Variants in ASIC2 observed in about 807,000 individuals in gnomAD.
ASIC2 encodes acid-sensing ion channel 2.
Under a neutral mutation model 57.3 loss-of-function variants are expected in ASIC2, and 25 were observed. The observed-to-expected ratio is 0.44, with a 90% CI of 0.32 to 0.61. The LOEUF (loss-of-function observed/expected upper bound fraction) is 0.61. ASIC2 is among the 20% of genes least tolerant of loss of function. The probability of loss-of-function intolerance (pLI) is 0.06; values close to 1 mark genes in which losing one functional copy is unlikely to be tolerated. For synonymous variants in ASIC2, 319 were observed against 307.5 expected, an observed-to-expected ratio of 1.04 and a Z score of -0.39; for missense variants, 641 against 738.1, an observed-to-expected ratio of 0.87 and a Z score of 1.52.
At chr17:33,806,201 A>G (rs921413292) in intron 1 of ASIC2, among the ~76,000 whole-genome samples, 2 of 152,220 alleles carry the variant, frequency 1.3e-5, no homozygotes, top group African/African-American at 4.8e-5. Context: ...CTCTGCCACC[A>G]TGCAGTCTAT....
At chr17:33,925,466 T>C (rs1372573424) in intron 1 of ASIC2, among the ~76,000 whole-genome samples, 1 of 152,194 alleles carries the variant, frequency 6.6e-6, no homozygotes, top group Non-Finnish European at 1.5e-5. Flanking sequence ...GACTGCAGAA[T>C]GGGGATTAGA....
At chr17:33,909,548 G>C (rs1415327272) in intron 1 of ASIC2, among the ~76,000 whole-genome samples, 1 of 152,180 alleles carries the variant, frequency 6.6e-6, no homozygotes, top group African/African-American at 2.4e-5. Flanking sequence ...GGGGAGGCAA[G>C]AGAGGGGAGA....
At chr17:33,398,518 T>C (rs1026355538) in intron 1 of ASIC2, among the ~76,000 whole-genome samples, 4 of 152,082 alleles carry the variant, frequency 2.6e-5, no homozygotes, top group African/African-American at 9.7e-5. Context: ...TATGTGGTGA[T>C]GGTAGTGATG....
At chr17:33,963,349 A>G (rs921410830) in intron 1 of ASIC2, among the ~76,000 whole-genome samples, 1 of 152,208 alleles carries the variant, frequency 6.6e-6, no homozygotes, top group Non-Finnish European at 1.5e-5. Flanking sequence ...CACAGAACCA[A>G]GTATTCACAT....
chr17:34,033,999 T>C (rs1187924834), intron 1 of ASIC2, among the ~76,000 whole-genome samples: 1 of 152,232 alleles, frequency 6.6e-6, no homozygotes, highest in African/African-American at 2.4e-5. Flanking sequence ...GAATCCTCCC[T>C]AACTCATTTT....
chr17:33,228,688 G>A (rs1192458752), intron 1 of ASIC2, among the ~76,000 whole-genome samples: 2 of 152,250 alleles, frequency 1.3e-5, no homozygotes, highest in African/African-American at 4.8e-5. Flanking sequence ...TGCGTCACGT[G>A]TGAATGAGCT....
intron 1 of ASIC2, among the ~76,000 whole-genome samples, chr17:33,730,315 A>G (rs1404443003): frequency 6.6e-6 from 1 of 152,226 alleles, no homozygotes; most frequent in Non-Finnish European, 1.5e-5. Context: ...ATTGCTCCAG[A>G]GACTACAGAT....
chr17:34,114,811 G>A (rs1911380293), intron 1 of ASIC2, among the ~76,000 whole-genome samples: 1 of 152,166 alleles, frequency 6.6e-6, no homozygotes, highest in African/African-American at 2.4e-5. Flanking sequence ...ACCAAAAGCT[G>A]TGGGTAAGAG....
intron 1 of ASIC2, among the ~76,000 whole-genome samples, chr17:33,358,156 C>G (rs1220859293): frequency 6.6e-6 from 1 of 152,138 alleles, no homozygotes; most frequent in Non-Finnish European, 1.5e-5. Flanking sequence ...ACAAAAAAAT[C>G]AAAAGGATAA....
chr17:34,099,562 A>G, intron 1 of ASIC2, among the ~76,000 whole-genome samples: 1 of 146,736 alleles, frequency 6.8e-6, no homozygotes, highest in Non-Finnish European at 1.5e-5. Flanking sequence ...AGGAAGGAAG[A>G]GAGGGAGGGA....
intron 1 of ASIC2, among the ~76,000 whole-genome samples, chr17:33,376,860 G>T (rs1421081551): frequency 2.6e-5 from 4 of 151,946 alleles, no homozygotes; most frequent in Non-Finnish European, 5.9e-5. Context: ...CATGGCCTTG[G>T]GCACTCTTCT....
intron 1 of ASIC2, among the ~76,000 whole-genome samples, chr17:33,710,389 G>A (rs114811936): frequency 0.015 from 2,266 of 152,252 alleles, 54 homozygotes; most frequent in African/African-American, 0.049. Flanking sequence ...TTGAAGTGCC[G>A]CAGGGAGCTG....
chr17:33,349,874 A>G (rs1908089387), intron 1 of ASIC2, among the ~76,000 whole-genome samples: 1 of 152,164 alleles, frequency 6.6e-6, no homozygotes, highest in Admixed American at 6.5e-5. Context: ...AGCACTGACT[A>G]GTAGATAAGT....
chr17:33,719,598 C>T (rs947121138), intron 1 of ASIC2, among the ~76,000 whole-genome samples: 11 of 152,198 alleles, frequency 7.2e-5, no homozygotes, highest in Admixed American at 1.3e-4. Context: ...ATGTCAGCAA[C>T]GTGAGAGGTG....
chr17:34,097,923 C>T (rs1910605317), intron 1 of ASIC2, among the ~76,000 whole-genome samples: 1 of 152,170 alleles, frequency 6.6e-6, no homozygotes, highest in African/African-American at 2.4e-5. Flanking sequence ...CTTTGCTCGG[C>T]TGCCCACTAT....
intron 1 of ASIC2, among the ~76,000 whole-genome samples, chr17:33,739,623 C>A (rs78478688): frequency 0.018 from 2,790 of 152,242 alleles, 93 homozygotes; most frequent in African/African-American, 0.062. Context: ...TGCACTTGGC[C>A]TCTCACTGAG....
At position 34,156,615 on chromosome 17, in the gene ASIC2, C is replaced by T; in HGVS notation, c.-83G>A. 3 of 1,416,356 alleles carry T rather than the reference C, an allele frequency of 2.1e-6. No homozygotes were observed. The highest frequency in any genetic ancestry group is 1.4e-5 in the South Asian group (1 of 69,920). The allele number at this position is 1,416,356 out of a possible 1,614,324, so 87.7% of individuals were successfully genotyped here. A position where few individuals can be genotyped will look rare whatever the true frequency, so the allele number is the denominator to read the frequency against. On this transcript the variant is annotated 5_prime_UTR_variant, in exon 1 of 10. Coordinates refer to the ASIC2 transcript ENST00000359872. The surrounding 1 kb of genome is among the most constrained non-coding windows in gnomAD (Gnocchi z 4.4). Reference sequence around the variant, plus strand: ...TCCCAGTCCTCGGGCTCTGCTTAAACCTTGACGTTCAGGGGAGAGAACGCA... The same window carrying T: ...TCCCAGTCCTCGGGCTCTGCTTAAATCTTGACGTTCAGGGGAGAGAACGCA...
At chr17:33,797,336 C>G (rs576504003) in intron 1 of ASIC2, among the ~76,000 whole-genome samples, 20 of 152,242 alleles carry the variant, frequency 1.3e-4, no homozygotes, top group African/African-American at 4.3e-4. Context: ...AGGGAAACGT[C>G]TGGCATGACT....
intron 1 of ASIC2, among the ~76,000 whole-genome samples, chr17:33,654,060 TACTC>T (rs1907004343): frequency 6.6e-6 from 1 of 152,206 alleles, no homozygotes; most frequent in Non-Finnish European, 1.5e-5. Flanking sequence ...ATATTTAACA[TACTC>T]AGTGAACCTC....
Sources: gnomAD v4.1 joint callset for allele counts (sites outside exome capture counted in the v4.1 genomes callset) on GRCh38, gnomAD v4.1.1 for gene constraint, Gnocchi (gnomAD v3.1) non-coding constraint, MANE v1.5 for transcripts, NCBI Gene and HGNC (gene_info 2026-07-23, HGNC 2026-07-21) for gene names.